The following ATP7B variants were observed in gnomAD, a reference collection of about 807,000 sequenced individuals.
The protein encoded by ATP7B is ATPase copper transporting beta.
Under a neutral mutation model 118.9 loss-of-function variants are expected in ATP7B, and 113 were observed. The observed-to-expected ratio is 0.95, with a 90% CI of 0.82 to 1.11. The LOEUF is 1.11. ATP7B is among the 50% of genes most tolerant of loss of function. The pLI is 0.00. For synonymous variants in ATP7B, 777 were observed against 727.4 expected (o/e 1.07, Z -1.10); for missense variants, 1,867 against 1,871.4 (o/e 1.00, Z 0.04).
chr13:52,012,103 GCGCC>G, upstream of ATP7B: 1 of 528,458 alleles, frequency 1.9e-6, no homozygotes, highest in Non-Finnish European at 3.4e-6. Context: ...GGGGGCGCAG[GCGCC>G]CAGGCGGGGG....
At chr13:51,951,326 T>C (rs1227728901) in intron 9 of ATP7B, among the ~76,000 whole-genome samples, 2 of 151,826 alleles carry the variant, frequency 1.3e-5, no homozygotes, top group Non-Finnish European at 2.9e-5. Flanking sequence ...AACCATTTAA[T>C]GAGATGGAGA....
intron 1 of ATP7B, among the ~76,000 whole-genome samples, chr13:51,989,490 C>A (rs1191471493): frequency 2.0e-5 from 3 of 151,116 alleles, no homozygotes; most frequent in African/African-American, 2.4e-5. Flanking sequence ...AAAATATTAA[C>A]CCTTACTGAG....
At chr13:51,979,730 T>C (rs1952317008) in intron 1 of ATP7B, among the ~76,000 whole-genome samples, 1 of 152,140 alleles carries the variant, frequency 6.6e-6, no homozygotes, top group Admixed American at 6.5e-5. Flanking sequence ...ATAACCCAGT[T>C]TACATTTTTT....
rs1388603839 is a variant in ATP7B, at chr13:51,974,298, G to A, written c.922C>T (p.Pro308Ser). The stretch of plus-strand genomic sequence containing the variant: ...TCGATAGCCCTCTGCAGAGCCACTG[G>A]GCTGGTACAAGAAGGGTCATACTTT... The part of the protein sequence containing the change: ...QVKYDPSCTS[P>S]VALQRAIEAL... Residue 308 changes from proline (P) to serine (S), a missense_variant, in exon 2 of 21, where the codon CCA becomes TCA. Transcript: ENST00000242839. 1.2e-6 allele frequency: 2 copies of A among 1,613,988 alleles called. No homozygotes were observed. Among genetic ancestry groups the A allele is most frequent in the Non-Finnish European group, 1.7e-6 (2 of 1,180,026 alleles).
intron 19 of ATP7B, 36 bp downstream of exon 19, chr13:51,937,240 G>C (rs1218913874): frequency 1.3e-6 from 2 of 1,590,586 alleles, no homozygotes; most frequent in African/African-American, 1.3e-5. Context: ...AGCCTTTCTG[G>C]GCGCAGCTGG....
intron 1 of ATP7B, among the ~76,000 whole-genome samples, chr13:51,990,560 T>C (rs1952860312): frequency 1.3e-5 from 2 of 152,264 alleles, no homozygotes; most frequent in South Asian, 4.1e-4. Context: ...TTCTATACTT[T>C]GCTACTAATG....
At chr13:51,960,081 C>T (rs766191471) in intron 7 of ATP7B, 67 bp downstream of exon 7, 64 of 1,558,692 alleles carry the variant, frequency 4.1e-5, no homozygotes, top group Admixed American at 6.7e-5. Flanking sequence ...TTGCGCTTAG[C>T]GGGCAGAATA....
rs1371525283 is a variant in ATP7B, at chr13:51,949,684, C to T, written c.2843G>A (p.Gly948Asp). 3 of 1,613,880 alleles carry T rather than the reference C, an allele frequency of 1.9e-6. No individual in the cohort carries two copies. Among genetic ancestry groups the T allele is most frequent in the Non-Finnish European group, 2.5e-6 (3 of 1,180,030 alleles). Residue 948 changes from glycine to aspartate, a missense_variant, in exon 12 of 21, where the codon GGT becomes GAT. Transcript: ENST00000242839. ...TACAGGAAAGTATCTCTGAACAACA[C>T]CAAAATCGATAAAACCGATTACAAT... ...VWIVIGFIDF[G>D]VVQRYFPNPN...
intron 14 of ATP7B, 95 bp from the exon 15 acceptor site, chr13:51,942,649 G>T: frequency 6.7e-7 from 1 of 1,494,396 alleles, no homozygotes. Flanking sequence ...GGGTGAAGGT[G>T]GCAAGAGAGC....
chr13:51,941,345 A>G, intron 15 of ATP7B, 121 bp from the exon 16 acceptor site: 4 of 1,267,268 alleles, frequency 3.2e-6, no homozygotes, highest in Non-Finnish European at 3.4e-6. Context: ...TAACCTTGTA[A>G]GCACCTCTTG....
intron 16 of ATP7B, among the ~76,000 whole-genome samples, chr13:51,940,611 T>C (rs1466645416): frequency 6.6e-6 from 1 of 151,972 alleles, no homozygotes; most frequent in Non-Finnish European, 1.5e-5. Context: ...ACCACTCCAC[T>C]GCACTACAGC....
Position 51,960,276 on chromosome 13 carries a change from T to C in ATP7B, c.1993A>G (p.Met665Val), listed in dbSNP as rs146303208. ...ATCAGCATATAGATCATTAAGGCCATGACAGGGATGCCAAACACCAGGCTG... is the reference window on the plus strand; with the variant it reads ...ATCAGCATATAGATCATTAAGGCCACGACAGGGATGCCAAACACCAGGCTG... ...LCSLVFGIPV[M>V]ALMIYMLIPS... Residue 665 changes from methionine (M) to valine (V), a missense_variant, in exon 7 of 21, where the codon ATG (methionine) becomes GTG (valine). Met to Val is a conservative substitution (Grantham distance 21). Transcript: ENST00000242839. 621 of 1,613,888 alleles carry C rather than the reference T, an allele frequency of 3.8e-4. 1 individual carries two copies. Among genetic ancestry groups the C allele is most frequent in the Admixed American group, 2.1e-3 (125 of 60,026 alleles).
At chr13:51,964,714 G>T (rs2139761290) in intron 5 of ATP7B, 158 bp downstream of exon 5, 1 of 791,032 alleles carries the variant, frequency 1.3e-6, no homozygotes, top group Non-Finnish European at 2.0e-6. Flanking sequence ...TTACTTACCT[G>T]CAGTTTATTT....
In ATP7B at chr13:51,944,192, T is replaced by C. The variant is rs377586515; in HGVS notation, c.3160A>G (p.Arg1054Gly). ...LLGDVATLPL[R>G]KVLAVVGTAE... is the part of the protein sequence containing the mutation. Reference sequence around the variant, plus strand: ...GTCCCCACCACAGCCAGAACCTTCCTGAGGGGCAGTGTGGCCACATCCCCC... The same window carrying C: ...GTCCCCACCACAGCCAGAACCTTCCCGAGGGGCAGTGTGGCCACATCCCCC... The change falls in exon 14 of 21, where the codon AGG (arginine) becomes GGG (glycine). Residue 1054 changes from arginine to glycine, a missense_variant. By Grantham distance (125) the Arg-to-Gly change is moderately radical. Coordinates refer to ENST00000242839, the MANE Select transcript of ATP7B (RefSeq NM_000053.4). 4 of 1,614,130 alleles carry C rather than the reference T, an allele frequency of 2.5e-6. No individual in the cohort carries two copies.
At chr13:51,936,764 T>C (rs1956991222) in intron 19 of ATP7B, among the ~76,000 whole-genome samples, 1 of 152,168 alleles carries the variant, frequency 6.6e-6, no homozygotes, top group African/African-American at 2.4e-5. Flanking sequence ...TGAGCTCAAA[T>C]GACCCTCCTG....
chr13:51,982,631 C>A (rs1952475442), intron 1 of ATP7B, among the ~76,000 whole-genome samples: 1 of 152,156 alleles, frequency 6.6e-6, no homozygotes, highest in Admixed American at 6.5e-5. Context: ...CAGCTTGTGG[C>A]AAGATGGCCG....
intron 16 of ATP7B, 36 bp from the exon 17 acceptor site, chr13:51,939,229 G>A (rs1454466805): frequency 1.7e-5 from 27 of 1,609,718 alleles, no homozygotes; most frequent in Non-Finnish European, 2.0e-5. Flanking sequence ...AGCTACACAA[G>A]TTGGGGCACC....
At chr13:51,965,366 C>T (rs997506287) in intron 4 of ATP7B, among the ~76,000 whole-genome samples, 5 of 152,152 alleles carry the variant, frequency 3.3e-5, no homozygotes, top group East Asian at 1.9e-4. Context: ...CTGGCAAAGC[C>T]GGGATACTAA....
At chr13:51,976,726 C>T (rs138030521) in intron 1 of ATP7B, among the ~76,000 whole-genome samples, 47 of 152,300 alleles carry the variant, frequency 3.1e-4, no homozygotes, top group African/African-American at 1.1e-3. Context: ...GTACTGAATA[C>T]TGTAGGCAAT....
Sources: gnomAD v4.1 joint callset for allele counts (sites outside exome capture counted in the v4.1 genomes callset) on GRCh38, gnomAD v4.1.1 for gene constraint, MANE v1.5 for transcripts, NCBI Gene and HGNC (gene_info 2026-07-23, HGNC 2026-07-21) for gene names.